SH3BP4: variants seen among roughly 807,000 people sequenced by gnomAD.
SH3BP4 encodes the protein SH3 domain-binding protein 4.
In SH3BP4, 33 loss-of-function variants were observed where a neutral mutation model predicts 65.5. The ratio of observed to expected loss-of-function variants is 0.50; its 90% CI spans 0.38 to 0.67. The LOEUF (loss-of-function observed/expected upper bound fraction) is 0.67. Among genes scored for constraint, SH3BP4 ranks in the 30% least tolerant of loss-of-function variants. The pLI, the probability that SH3BP4 is intolerant of heterozygous loss-of-function variation, is 0.00. For synonymous variants in SH3BP4, 552 were observed against 545.5 expected (o/e 1.01, Z -0.17); for missense variants, 1,134 against 1,261.4 (o/e 0.90, Z 1.53).
At chr2:234,981,324 G>A (rs968664298) in intron 1 of SH3BP4, among the ~76,000 whole-genome samples, 2 of 152,116 alleles carry the variant, frequency 1.3e-5, no homozygotes, top group Non-Finnish European at 2.9e-5. Context: ...CTCTGTTCCC[G>A]TCTGTGGCTC....
intron 3 of SH3BP4, among the ~76,000 whole-genome samples, chr2:235,036,740 A>AAAAAAAAAAAAATAAAATAATAAT (rs146049108): frequency 7.1e-6 from 1 of 141,772 alleles, no homozygotes; most frequent in African/African-American, 2.7e-5. Context: ...TCTATATAAA[A>AAAAAAAAAAAAATAAAATAATAAT]AATAATAATA....
Position 235,014,093 on chromosome 2 carries a change from T to TAA in SH3BP4, c.-133+18726_-133+18727dup, listed in dbSNP as rs200365903. Among the ~76,000 whole-genome samples the TAA allele has an allele frequency of 1.3e-3, 199 of 149,324 alleles. 2 individuals are homozygous for TAA. The highest frequency in any genetic ancestry group is 4.6e-3 in the African/African-American group (188 of 40,802). On this transcript the variant is annotated intron_variant, in intron 2 of 5. Coordinates refer to ENST00000392011, the MANE Select transcript of SH3BP4 (RefSeq NM_014521.3). ...CTATTAAAGTATATGTTAATCAACTTAAAAAAAAAAGAAATGCCTTTGCGT... is the reference window on the plus strand; with the variant it reads ...CTATTAAAGTATATGTTAATCAACTTAAAAAAAAAAAAGAAATGCCTTTGCGT...
intron 4 of SH3BP4, among the ~76,000 whole-genome samples, chr2:235,048,250 C>A (rs969440539): frequency 6.6e-6 from 1 of 152,124 alleles, no homozygotes; most frequent in African/African-American, 2.4e-5. Context: ...AGTTTTGGGG[C>A]ATGTTGGGAA....
At chr2:234,982,275 C>T (rs1418007270) in intron 1 of SH3BP4, among the ~76,000 whole-genome samples, 2 of 152,224 alleles carry the variant, frequency 1.3e-5, no homozygotes, top group Non-Finnish European at 2.9e-5. Context: ...GCTATTGGCA[C>T]CAGTGGGCAC....
In SH3BP4 at chr2:234,976,200, G is replaced by T. The variant is rs1253618945; in HGVS notation, c.-206-19103G>T. 6.6e-6 allele frequency among the ~76,000 whole-genome samples: 1 copy of T among 152,206 alleles called. No homozygotes were observed. The highest frequency in any genetic ancestry group is 1.9e-4 in the East Asian group (1 of 5,170). On this transcript the variant is annotated intron_variant, in intron 1 of 5. Transcript: ENST00000392011. The surrounding 1 kb of genome is among the most constrained non-coding windows in gnomAD (Gnocchi z 4.7). The stretch of plus-strand genomic sequence containing the variant: ...CATCTACCCATGAAGAGCGGCTCCT[G>T]CGGGGTGGCCCGGGTTACCCCAGCA...
In SH3BP4 at chr2:235,041,698, G is replaced by A. The variant is rs1695652778; in HGVS notation, c.929G>A (p.Gly310Asp). Residue 310 changes from glycine to aspartate, a missense_variant, in exon 4 of 6, where the codon GGC becomes GAC. Coordinates refer to ENST00000392011, the MANE Select transcript of SH3BP4 (RefSeq NM_014521.3). The surrounding 1 kb of genome is among the most constrained non-coding windows in gnomAD (Gnocchi z 6.0). ...LDLLGQSPGW[G>D]QTQAVETNIV... Reference sequence around the variant, plus strand: ...TTGCTTGGCCAAAGCCCTGGTTGGGGCCAGACCCAAGCCGTGGAGACAAAC... The same window carrying A: ...TTGCTTGGCCAAAGCCCTGGTTGGGACCAGACCCAAGCCGTGGAGACAAAC... The A allele has an allele frequency of 6.2e-7, 1 of 1,612,766 alleles. No individual in the cohort carries two copies. Among genetic ancestry groups the A allele is most frequent in the Non-Finnish European group, 8.5e-7 (1 of 1,179,318 alleles).
rs1440924188 is a variant in SH3BP4 at position 235,054,678 on chromosome 2, T to C, written c.*862T>C. ...GGTCCCTGCTGCTACGAGGCCATTG[T>C]ACTGTTTTTTCCTTGAGGTCAAAGC... On this transcript the variant is annotated 3_prime_UTR_variant, in exon 6 of 6. Transcript: ENST00000392011. The C allele has an allele frequency of 6.6e-6, 1 of 152,262 alleles. No homozygotes were observed. The highest frequency in any genetic ancestry group is 1.5e-5 in the Non-Finnish European group (1 of 68,038). 9.4% of individuals were successfully genotyped at this position (152,262 alleles called of 1,614,324 possible).
chr2:234,986,480 A>G (rs1056692016), intron 1 of SH3BP4, among the ~76,000 whole-genome samples: 1 of 152,234 alleles, frequency 6.6e-6, no homozygotes. Flanking sequence ...CCATGGGAAA[A>G]GGAAATGCAG....
At chr2:235,000,407 G>A (rs1302980387) in intron 2 of SH3BP4, among the ~76,000 whole-genome samples, 1 of 152,172 alleles carries the variant, frequency 6.6e-6, no homozygotes, top group Admixed American at 6.5e-5. Context: ...TCCCATGCAG[G>A]TTGCTCTCCT....
chr2:234,965,431 A>C lies in SH3BP4; in HGVS notation c.-207+13261A>C, dbSNP rs1283512057. ...GAGCTGCTGAGTTTACTGGCCATCC[A>C]GAGAGACTTCTGTGTTGAACCCACA... On this transcript the variant is annotated intron_variant, in intron 1 of 5. Coordinates refer to ENST00000392011, the MANE Select transcript of SH3BP4 (RefSeq NM_014521.3). 2.6e-5 allele frequency among the ~76,000 whole-genome samples: 4 copies of C among 152,338 alleles called. No homozygotes were observed. The East Asian group carries it at 7.7e-4, about 29-fold the overall frequency.
chr2:234,964,900 G>T (rs887899682), intron 1 of SH3BP4, among the ~76,000 whole-genome samples: 4 of 152,064 alleles, frequency 2.6e-5, no homozygotes, highest in Admixed American at 2.6e-4. Context: ...CATCATCGAC[G>T]CCTGGCAGGG....
Position 235,035,137 on chromosome 2 carries a change from C to T in SH3BP4, c.118+17C>T, listed in dbSNP as rs760790517. ...ACATCAAAGGTGAGCTTCTGGGGAA[C>T]AGGACTGTGGCTAAGGGAGAACGTT... On this transcript the variant is annotated intron_variant, in intron 3 of 5. Transcript: ENST00000392011. The surrounding 1 kb of genome is among the most constrained non-coding windows in gnomAD (Gnocchi z 5.0). 11 of 1,571,120 alleles carry T rather than the reference C, an allele frequency of 7.0e-6. No homozygotes were observed. Among genetic ancestry groups the T allele is most frequent in the South Asian group, 6.6e-5 (6 of 90,300 alleles).
rs1696167673 is a variant in SH3BP4, at chr2:235,054,577, T to A, written c.*761T>A. On this transcript the variant is annotated 3_prime_UTR_variant, in exon 6 of 6. Coordinates refer to ENST00000392011, the MANE Select transcript of SH3BP4 (RefSeq NM_014521.3). ...CTGCCAATAGATTAGAAAGCAGCCA[T>A]GAGTTGACAGTCTTTAGGGCCCCTG... The A allele has an allele frequency of 6.6e-6, 1 of 152,218 alleles. No individual in the cohort carries two copies. The highest frequency in any genetic ancestry group is 1.5e-5 in the Non-Finnish European group (1 of 68,050). 9.4% of individuals were successfully genotyped at this position (152,218 alleles called of 1,614,324 possible).
intron 3 of SH3BP4, among the ~76,000 whole-genome samples, chr2:235,036,740 A>AAATAAAAATAATAATAATAAT (rs1553567055): frequency 7.1e-6 from 1 of 141,740 alleles, no homozygotes; most frequent in African/African-American, 2.7e-5. Context: ...TCTATATAAA[A>AAATAAAAATAATAATAATAAT]AATAATAATA....
intron 2 of SH3BP4, among the ~76,000 whole-genome samples, chr2:235,009,694 C>A (rs181378509): frequency 6.6e-6 from 1 of 152,198 alleles, no homozygotes; most frequent in East Asian, 1.9e-4. Context: ...ATGGATCTCT[C>A]CCCAAATGTC....
chr2:234,999,712 A>G (rs565423518), intron 2 of SH3BP4, among the ~76,000 whole-genome samples: 1 of 152,318 alleles, frequency 6.6e-6, no homozygotes, highest in Admixed American at 6.5e-5. Context: ...AATCTAAGAC[A>G]CCCTCAGACT....
At chr2:235,014,954 A>G (rs1226947881) in intron 2 of SH3BP4, among the ~76,000 whole-genome samples, 1 of 152,202 alleles carries the variant, frequency 6.6e-6, no homozygotes, top group Non-Finnish European at 1.5e-5. Flanking sequence ...ACCTGGTGGC[A>G]TTTAGGTTTT....
At chr2:234,959,720 C>T (rs540009646) in intron 1 of SH3BP4, among the ~76,000 whole-genome samples, 9 of 149,894 alleles carry the variant, frequency 6.0e-5, no homozygotes, top group East Asian at 2.0e-4. Flanking sequence ...GGCACGATCT[C>T]GGCTGATTGC....
At chr2:234,965,843 A>G (rs1559225263) in intron 1 of SH3BP4, among the ~76,000 whole-genome samples, 1 of 152,202 alleles carries the variant, frequency 6.6e-6, no homozygotes, top group African/African-American at 2.4e-5. Context: ...CATGATGGGA[A>G]AAACTTGCGC....
Sources: gnomAD v4.1 joint callset for allele counts (sites outside exome capture counted in the v4.1 genomes callset) on GRCh38, gnomAD v4.1.1 for gene constraint, Gnocchi (gnomAD v3.1) non-coding constraint, MANE v1.5 for transcripts, NCBI Gene and HGNC (gene_info 2026-07-23, HGNC 2026-07-21) for gene names.